Variants in FLRT2 observed in about 807,000 individuals in gnomAD.
FLRT2 encodes the protein fibronectin leucine rich transmembrane protein 2.
A neutral mutation model predicts 40.0 loss-of-function variants in FLRT2; 15 were observed. The observed-to-expected ratio is 0.38, with a 90% CI of 0.25 to 0.58. The LOEUF (loss-of-function observed/expected upper bound fraction) is 0.58. Among genes scored for constraint, FLRT2 ranks in the 20% least tolerant of loss-of-function variants. The pLI is 0.71. For synonymous variants in FLRT2, 380 were observed against 336.8 expected, an observed-to-expected ratio of 1.13 and a Z score of -1.41; for missense variants, 726 against 840.0, an observed-to-expected ratio of 0.86 and a Z score of 1.68.
At chr14:85,578,494 G>A (rs193243177) in intron 1 of FLRT2, among the ~76,000 whole-genome samples, 237 of 152,106 alleles carry the variant, frequency 1.6e-3, no homozygotes, top group African/African-American at 5.5e-3. Context: ...GTGATAAACC[G>A]AGGACGGATG....
intron 1 of FLRT2, among the ~76,000 whole-genome samples, chr14:85,594,693 A>G (rs553221228): frequency 6.6e-6 from 1 of 152,148 alleles, no homozygotes; most frequent in Non-Finnish European, 1.5e-5. Flanking sequence ...CAATTTTCCT[A>G]TAATCCTCAT....
intron 1 of FLRT2, among the ~76,000 whole-genome samples, chr14:85,600,068 T>C (rs1410523236): frequency 1.3e-5 from 2 of 152,146 alleles, no homozygotes; most frequent in Non-Finnish European, 2.9e-5. Context: ...AGCTCATTTA[T>C]GGGGGTAGCT....
In FLRT2 at chr14:85,640,374, A is replaced by C. The variant is rs1324691910; in HGVS notation, c.*16877A>C. The C allele has an allele frequency of 6.6e-6, 1 of 152,216 alleles. No individual in the cohort carries two copies. 9.4% of individuals were successfully genotyped at this position (152,216 alleles called of 1,614,324 possible). A position where few individuals can be genotyped will look rare whatever the true frequency, so the allele number is the denominator to read the frequency against. On this transcript the variant is annotated 3_prime_UTR_variant, in exon 2 of 2. Transcript: ENST00000330753. ...CTACATCTAGAATCATGCAATTATT[A>C]GTTTTTAATAAAGATCGTGACCAAG...
intron 1 of FLRT2, among the ~76,000 whole-genome samples, chr14:85,590,560 G>A (rs1891835677): frequency 6.6e-6 from 1 of 152,108 alleles, no homozygotes; most frequent in South Asian, 2.1e-4. Context: ...TGCATATGGA[G>A]AAGGGATAGA....
rs1451517789 is a variant in FLRT2 at position 85,636,178 on chromosome 14, TTAGTAAAATAA to T, written c.*12683_*12693del. On this transcript the variant is annotated 3_prime_UTR_variant, in exon 2 of 2. Transcript: ENST00000330753. ...GGGAATTTAATAAAATGCAAGCAGA[TTAGTAAAATAA>T]TTTGTTTTAAAGTTAGTTTTAAATA... The T allele has an allele frequency of 2.0e-5, 3 of 152,022 alleles. No individual in the cohort carries two copies. Among genetic ancestry groups the T allele is most frequent in the African/African-American group, 7.2e-5 (3 of 41,412 alleles). The allele number at this position is 152,022 out of a possible 1,614,324, so 9.4% of individuals were successfully genotyped here.
intron 1 of FLRT2, among the ~76,000 whole-genome samples, chr14:85,532,144 G>T (rs1487825603): frequency 6.6e-6 from 1 of 152,258 alleles, no homozygotes; most frequent in East Asian, 1.9e-4. Flanking sequence ...TCCTCAGCCT[G>T]TGGCGGCCAC....
At chr14:85,540,959 G>A (rs1955409) in intron 1 of FLRT2, among the ~76,000 whole-genome samples, 2,180 of 152,232 alleles carry the variant, frequency 0.014, 51 homozygotes, top group African/African-American at 0.049. Context: ...GAGTTAGTAC[G>A]TGTTTATATC....
At position 85,622,761 on chromosome 14, in the gene FLRT2, G is replaced by T; in HGVS notation, c.1247G>T (p.Arg416Ile). The change falls in exon 2 of 2, where the codon AGA becomes ATA. Residue 416 changes from arginine to isoleucine, a missense_variant. Transcript: ENST00000330753. Reference sequence around the variant, plus strand: ...ATTCCTGACTGGGATGGCAGAGAAAGAGTGACCCCACCTATTTCTGAACGG... The same window carrying T: ...ATTCCTGACTGGGATGGCAGAGAAATAGTGACCCCACCTATTTCTGAACGG... Reference protein sequence around the residue: ...PTIPDWDGRERVTPPISERIQ... With the variant: ...PTIPDWDGREIVTPPISERIQ... 1 of 1,614,078 alleles carries T rather than the reference G, an allele frequency of 6.2e-7. No homozygotes were observed. Among genetic ancestry groups the T allele is most frequent in the Non-Finnish European group, 8.5e-7 (1 of 1,180,022 alleles).
intron 1 of FLRT2, among the ~76,000 whole-genome samples, chr14:85,607,232 G>A (rs1209560794): frequency 1.3e-5 from 2 of 152,128 alleles, no homozygotes; most frequent in Admixed American, 1.3e-4. Flanking sequence ...GATTGAGCAA[G>A]TTTTGACCCA....
chr14:85,584,495 T>G (rs1891528492), intron 1 of FLRT2, among the ~76,000 whole-genome samples: 1 of 152,216 alleles, frequency 6.6e-6, no homozygotes, highest in Admixed American at 6.5e-5. Context: ...AGTCAGATTT[T>G]GAGGCTTTTC....
intron 1 of FLRT2, among the ~76,000 whole-genome samples, chr14:85,555,853 G>C (rs1446576733): frequency 6.6e-6 from 1 of 152,002 alleles, no homozygotes; most frequent in Non-Finnish European, 1.5e-5. Context: ...CCTGTGCCTG[G>C]CCTCTCTCTG....
At chr14:85,584,380 G>A (rs1364799465) in intron 1 of FLRT2, among the ~76,000 whole-genome samples, 1 of 152,206 alleles carries the variant, frequency 6.6e-6, no homozygotes, top group Non-Finnish European at 1.5e-5. Flanking sequence ...AGAGAAAAAT[G>A]TGATGGCCAA....
rs956841072 is a variant in FLRT2 at position 85,594,442 on chromosome 14, T to C, written c.-376-26697T>C. On this transcript the variant is annotated intron_variant, in intron 1 of 1. Transcript: ENST00000330753. ...GAGATGTGTGTGTGCCGCTCCCTCA[T>C]ACCTGTAAGTCTCAACTCACATACC... is the stretch of plus-strand genomic sequence containing the variant. Among the ~76,000 whole-genome samples, 7 of 152,182 alleles carry C rather than the reference T, an allele frequency of 4.6e-5. No homozygotes were observed. In the East Asian group the frequency reaches 1.4e-3, roughly 29 times the overall value.
In FLRT2 at chr14:85,584,674, C is replaced by A. The variant is rs1279585286; in HGVS notation, c.-376-36465C>A. On this transcript the variant is annotated intron_variant, in intron 1 of 1. Coordinates refer to ENST00000330753, the MANE Select transcript of FLRT2 (RefSeq NM_013231.6). The stretch of plus-strand genomic sequence containing the variant: ...CAGAGAATCGCTTCCTGTGCAGTTG[C>A]TGGCCGCCCCTGCAGATGCAGAACC... Among the ~76,000 whole-genome samples, 4 of 152,290 alleles carry A rather than the reference C, an allele frequency of 2.6e-5. No individual in the cohort carries two copies. The East Asian group carries it at 7.7e-4, about 29-fold the overall frequency.
At position 85,554,078 on chromosome 14, in the gene FLRT2, G is replaced by A. The variant is rs576248938; in HGVS notation, c.-377+23544G>A. The stretch of plus-strand genomic sequence containing the variant: ...TCATTCTCATTTGGAAGAAAGGGGA[G>A]AACATCTTATTTTAGTCTTTTTTAA... On this transcript the variant is annotated intron_variant, in intron 1 of 1. Transcript: ENST00000330753. Among the ~76,000 whole-genome samples the A allele has an allele frequency of 1.3e-4, 20 of 152,212 alleles. No homozygotes were observed. In the South Asian group the frequency reaches 3.9e-3, roughly 30 times the overall value.
rs1894450826 is a variant in FLRT2 at position 85,652,271 on chromosome 14, G to A, written c.*28774G>A. ...GTATTATTTGAAGAATCTCTAAATA[G>A]CACTATTAAGTGCTCTGATATGCAG... is the stretch of plus-strand genomic sequence containing the variant. On this transcript the variant is annotated 3_prime_UTR_variant, in exon 2 of 2. Coordinates refer to ENST00000330753, the MANE Select transcript of FLRT2 (RefSeq NM_013231.6). 1 of 152,018 alleles carries A rather than the reference G, an allele frequency of 6.6e-6. No homozygotes were observed. The highest frequency in any genetic ancestry group is 1.5e-5 in the Non-Finnish European group (1 of 67,968). The allele number at this position is 152,018 out of a possible 1,614,324, so 9.4% of individuals were successfully genotyped here. A position where few individuals can be genotyped will look rare whatever the true frequency, so the allele number is the denominator to read the frequency against.
At chr14:85,581,905 G>A (rs1891403120) in intron 1 of FLRT2, among the ~76,000 whole-genome samples, 1 of 152,108 alleles carries the variant, frequency 6.6e-6, no homozygotes, top group Non-Finnish European at 1.5e-5. Context: ...GTGATTCTAT[G>A]TCATTTCATT....
chr14:85,562,258 A>G (rs1276134043), intron 1 of FLRT2, among the ~76,000 whole-genome samples: 2 of 152,318 alleles, frequency 1.3e-5, no homozygotes, highest in East Asian at 3.9e-4. Context: ...CATGTTTCCA[A>G]GAGAATATTT....
chr14:85,598,644 C>T (rs560763475), intron 1 of FLRT2, among the ~76,000 whole-genome samples: 1 of 152,300 alleles, frequency 6.6e-6, no homozygotes, highest in East Asian at 1.9e-4. Flanking sequence ...AGTTGGACCT[C>T]ATAGGATTTT....
Sources: allele counts gnomAD v4.1 joint callset (sites outside exome capture counted in the v4.1 genomes callset), GRCh38; gene constraint gnomAD v4.1.1; transcripts MANE v1.5; gene names NCBI Gene and HGNC (gene_info 2026-07-23, HGNC 2026-07-21).